Variants in HTRA3 observed in about 807,000 individuals in gnomAD.
HTRA3 encodes the protein HtrA serine peptidase 3.
Under a neutral mutation model 43.2 loss-of-function variants are expected in HTRA3, and 41 were observed. The observed-to-expected ratio is 0.95, with a 90% CI of 0.74 to 1.23. The LOEUF (loss-of-function observed/expected upper bound fraction) is 1.23. Among genes scored for constraint, HTRA3 ranks in the 50% most tolerant of loss-of-function variants. The pLI is 0.00. For synonymous variants in HTRA3, 295 were observed against 287.9 expected (o/e 1.02, Z -0.25); for missense variants, 628 against 647.1 (o/e 0.97, Z 0.32).
At chr4:8,287,765 T>C (rs1386960548) in intron 3 of HTRA3, among the ~76,000 whole-genome samples, 2 of 152,170 alleles carry the variant, frequency 1.3e-5, no homozygotes, top group African/African-American at 4.8e-5. Context: ...TATCTTGGGA[T>C]TTCAGACGGG....
chr4:8,306,899 C>T lies in HTRA3; in HGVS notation c.*763C>T, dbSNP rs2153007759. 1 of 152,786 alleles carries T rather than the reference C, an allele frequency of 6.5e-6. No homozygotes were observed. Among genetic ancestry groups the T allele is most frequent in the East Asian group, 1.9e-4 (1 of 5,178 alleles). 9.5% of individuals were successfully genotyped at this position (152,786 alleles called of 1,614,324 possible). On this transcript the variant is annotated 3_prime_UTR_variant, in exon 9 of 9. Transcript: ENST00000307358. The surrounding 1 kb of genome is among the most constrained non-coding windows in gnomAD (Gnocchi z 8.9). ...GGTGTGAGGACTGAGCCGGCTTCCC[C>T]TTCCCACGCAGCTCTGGGATGCAGC...
intron 6 of HTRA3, among the ~76,000 whole-genome samples, chr4:8,298,650 C>A (rs975211683): frequency 3.9e-5 from 6 of 151,990 alleles, no homozygotes; most frequent in Non-Finnish European, 8.8e-5. Flanking sequence ...TTTAGGACTG[C>A]GATGCATTTT....
chr4:8,286,032 G>C lies in HTRA3; in HGVS notation c.486-529G>C, dbSNP rs1712951164. Among the ~76,000 whole-genome samples, 1 of 152,234 alleles carries C rather than the reference G, an allele frequency of 6.6e-6. No individual in the cohort carries two copies. On this transcript the variant is annotated intron_variant, in intron 2 of 8. Coordinates refer to ENST00000307358, the MANE Select transcript of HTRA3 (RefSeq NM_053044.5). The surrounding 1 kb of genome is among the most constrained non-coding windows in gnomAD (Gnocchi z 4.9). ...ACCTGCTGCAGCCCTGCAGGATGCTGTGTGTGCAATGGGGCTTTTCCCCTA... is the reference window on the plus strand; with the variant it reads ...ACCTGCTGCAGCCCTGCAGGATGCTCTGTGTGCAATGGGGCTTTTCCCCTA...
rs751744861 is a variant in HTRA3 at position 8,286,775 on chromosome 4, C to T, written c.700C>T (p.His234Tyr). The stretch of plus-strand genomic sequence containing the variant: ...GTCGGACATTGCCACCATCAAGATC[C>T]ATCCCAAGGTGGGTGGGCGTGGGTG... ...KKSDIATIKI[H>Y]PKKKLPVLLL... The change falls in exon 3 of 9, where the codon CAT (histidine) becomes TAT (tyrosine). Residue 234 changes from histidine (H) to tyrosine (Y), a missense_variant. Coordinates refer to ENST00000307358, the MANE Select transcript of HTRA3 (RefSeq NM_053044.5). The surrounding 1 kb of genome is among the most constrained non-coding windows in gnomAD (Gnocchi z 4.9). 2 of 1,612,650 alleles carry T rather than the reference C, an allele frequency of 1.2e-6. No individual in the cohort carries two copies. Among genetic ancestry groups the T allele is most frequent in the African/African-American group, 2.7e-5 (2 of 74,918 alleles).
chr4:8,286,336 A>C lies in HTRA3; in HGVS notation c.486-225A>C, dbSNP rs1712965469. 1.3e-5 allele frequency among the ~76,000 whole-genome samples: 2 copies of C among 152,092 alleles called. No homozygotes were observed. Among genetic ancestry groups the C allele is most frequent in the Admixed American group, 6.5e-5 (1 of 15,272 alleles). On this transcript the variant is annotated intron_variant, in intron 2 of 8. Coordinates refer to ENST00000307358, the MANE Select transcript of HTRA3 (RefSeq NM_053044.5). This position sits in a 1 kb window ranked among gnomAD's most constrained non-coding sequence, Gnocchi z 4.9. ...TGTCTCATCTCAGCAAATTGCAGCG[A>C]GAGGTGATCATCATCACCTCTTTAT...
intron 1 of HTRA3, 39 bp from the exon 2 acceptor site, chr4:8,282,398 T>G: frequency 1.1e-5 from 16 of 1,494,256 alleles, no homozygotes; most frequent in Non-Finnish European, 1.4e-5. Flanking sequence ...GGCAGCATCG[T>G]GATCTCACTG....
intron 1 of HTRA3, among the ~76,000 whole-genome samples, chr4:8,274,402 C>T (rs745363018): frequency 6.6e-6 from 1 of 152,216 alleles, no homozygotes; most frequent in Non-Finnish European, 1.5e-5. Context: ...GCCCTGCACA[C>T]AGATGTGACT....
Position 8,292,355 on chromosome 4 carries a change from T to C in HTRA3, c.936+2T>C. 1 of 1,612,866 alleles carries C rather than the reference T, an allele frequency of 6.2e-7. No homozygotes were observed. Among genetic ancestry groups the C allele is most frequent in the Non-Finnish European group, 8.5e-7 (1 of 1,179,324 alleles). ...TCCGGGGGACCACTGGTGAACCTGG[T>C]AAGTGTCCCCTAGAGCCAAAATCTC... On this transcript the variant is annotated splice_donor_variant, in intron 5 of 8. Transcript: ENST00000307358. LOFTEE classifies it high-confidence loss of function.
At position 8,306,904 on chromosome 4, in the gene HTRA3, C is replaced by T. The variant is rs1305997000; in HGVS notation, c.*768C>T. The stretch of plus-strand genomic sequence containing the variant: ...GAGGACTGAGCCGGCTTCCCCTTCC[C>T]ACGCAGCTCTGGGATGCAGCAGCCG... On this transcript the variant is annotated 3_prime_UTR_variant, in exon 9 of 9. Coordinates refer to ENST00000307358, the MANE Select transcript of HTRA3 (RefSeq NM_053044.5). This position sits in a 1 kb window ranked among gnomAD's most constrained non-coding sequence, Gnocchi z 8.9. 2.0e-5 allele frequency: 3 copies of T among 152,690 alleles called. No homozygotes were observed. Among genetic ancestry groups the T allele is most frequent in the African/African-American group, 7.2e-5 (3 of 41,460 alleles). The allele number at this position is 152,690 out of a possible 1,614,324, so 9.5% of individuals were successfully genotyped here.
rs1713880908 is a variant in HTRA3, at chr4:8,307,006, AG to A, written c.*874del. On this transcript the variant is annotated 3_prime_UTR_variant, in exon 9 of 9. Coordinates refer to ENST00000307358, the MANE Select transcript of HTRA3 (RefSeq NM_053044.5). This position sits in a 1 kb window ranked among gnomAD's most constrained non-coding sequence, Gnocchi z 6.1. ...TCATCCAGGGAACGAGTGTGTCTCA[AG>A]GGGCATTTGTGAGCTTTGCTGTAAA... is the stretch of plus-strand genomic sequence containing the variant. 6.5e-6 allele frequency: 1 copy of A among 152,714 alleles called. No homozygotes were observed. The highest frequency in any genetic ancestry group is 1.5e-5 in the Non-Finnish European group (1 of 68,092). 9.5% of individuals were successfully genotyped at this position (152,714 alleles called of 1,614,324 possible).
intron 1 of HTRA3, among the ~76,000 whole-genome samples, chr4:8,281,063 C>T (rs1042992204): frequency 2.0e-5 from 3 of 152,158 alleles, no homozygotes; most frequent in Admixed American, 6.5e-5. Flanking sequence ...CCTCAGTGTC[C>T]CCACCTTTAA....
Position 8,270,333 on chromosome 4 carries a change from A to C in HTRA3, c.365A>C (p.Gln122Pro). 1 of 1,434,986 alleles carries C rather than the reference A, an allele frequency of 7.0e-7. No homozygotes were observed. Among genetic ancestry groups the C allele is most frequent in the African/African-American group, 1.5e-5 (1 of 66,736 alleles). 88.9% of individuals were successfully genotyped at this position (1,434,986 alleles called of 1,614,324 possible). Residue 122 changes from glutamine (Q) to proline (P), a missense_variant, in exon 1 of 9, where the codon CAG becomes CCG. Coordinates refer to ENST00000307358, the MANE Select transcript of HTRA3 (RefSeq NM_053044.5). ...QLSGTPVRQL[Q>P]KGACPLGLHQ... Reference sequence around the variant, plus strand: ...TCCGGGACGCCCGTGCGCCAGCTGCAGAAGGGCGCCTGCCCGTTGGGTAAG... The same window carrying C: ...TCCGGGACGCCCGTGCGCCAGCTGCCGAAGGGCGCCTGCCCGTTGGGTAAG...
At position 8,269,916 on chromosome 4, in the gene HTRA3, C is replaced by A. The variant is rs1712172825; in HGVS notation, c.-53C>A. On this transcript the variant is annotated 5_prime_UTR_variant, in exon 1 of 9. Coordinates refer to ENST00000307358, the MANE Select transcript of HTRA3 (RefSeq NM_053044.5). ...GGCCCCGCAGCGGCCTCGTTGTCCC[C>A]GCCGGCCCCCGCCCGGTCTCCCGCG... is the stretch of plus-strand genomic sequence containing the variant. The A allele has an allele frequency of 1.1e-6, 1 of 905,866 alleles. No homozygotes were observed. The highest frequency in any genetic ancestry group is 4.9e-5 in the South Asian group (1 of 20,408). The allele number at this position is 905,866 out of a possible 1,614,324, so 56.1% of individuals were successfully genotyped here.
rs1172082419 is a variant in HTRA3, at chr4:8,296,701, T to C, written c.1051+2500T>C. Among the ~76,000 whole-genome samples the C allele has an allele frequency of 6.6e-6, 1 of 152,060 alleles. No homozygotes were observed. The highest frequency in any genetic ancestry group is 1.5e-5 in the Non-Finnish European group (1 of 68,022). On this transcript the variant is annotated intron_variant, in intron 6 of 8. Coordinates refer to ENST00000307358, the MANE Select transcript of HTRA3 (RefSeq NM_053044.5). The surrounding 1 kb of genome is among the most constrained non-coding windows in gnomAD (Gnocchi z 5.3). The stretch of plus-strand genomic sequence containing the variant: ...ACATGGGGTGGTGTGGGGTGTTTGA[T>C]TCATGGAGTGGGGCCGTTTGTGGGC...
intron 2 of HTRA3, among the ~76,000 whole-genome samples, chr4:8,283,439 G>T (rs1712837773): frequency 6.6e-6 from 1 of 152,182 alleles, no homozygotes; most frequent in Admixed American, 6.5e-5. Flanking sequence ...TGGTTTGGGG[G>T]AGCCCTGCCT....
intron 5 of HTRA3, among the ~76,000 whole-genome samples, chr4:8,293,675 C>A (rs1443072686): frequency 3.9e-5 from 6 of 152,106 alleles, no homozygotes; most frequent in Non-Finnish European, 5.9e-5. Flanking sequence ...CCTGGTCCCA[C>A]CTGCCAGCCC....
intron 6 of HTRA3, 112 bp from the exon 7 acceptor site, chr4:8,302,351 C>A: frequency 1.0e-6 from 1 of 965,752 alleles, no homozygotes; most frequent in Non-Finnish European, 1.7e-6. Flanking sequence ...CAGAATGACA[C>A]CTGCTGCTTC....
In HTRA3 at chr4:8,269,931, G is replaced by C; in HGVS notation, c.-38G>C. ...TCGTTGTCCCCGCCGGCCCCCGCCC[G>C]GTCTCCCGCGCTGCCACCCGCCGCC... is the stretch of plus-strand genomic sequence containing the variant. On this transcript the variant is annotated 5_prime_UTR_variant, in exon 1 of 9. Coordinates refer to ENST00000307358, the MANE Select transcript of HTRA3 (RefSeq NM_053044.5). The C allele has an allele frequency of 1.0e-6, 1 of 1,003,896 alleles. No homozygotes were observed. The highest frequency in any genetic ancestry group is 1.7e-5 in the African/African-American group (1 of 57,584). The allele number at this position is 1,003,896 out of a possible 1,614,324, so 62.2% of individuals were successfully genotyped here.
intron 3 of HTRA3, among the ~76,000 whole-genome samples, chr4:8,287,857 G>C (rs979145179): frequency 6.6e-6 from 1 of 152,102 alleles, no homozygotes; most frequent in African/African-American, 2.4e-5. Context: ...CTAGGACCCC[G>C]GCCTCCCTCC....
Sources: allele counts gnomAD v4.1 joint callset (sites outside exome capture counted in the v4.1 genomes callset), GRCh38; gene constraint gnomAD v4.1.1; non-coding constraint Gnocchi (gnomAD v3.1); transcripts MANE v1.5; gene names NCBI Gene and HGNC (gene_info 2026-07-23, HGNC 2026-07-21).